C1QL3: variants seen among roughly 807,000 people sequenced by gnomAD.
The protein encoded by C1QL3 is complement C1q like 3, also known as complement C1q-like protein 3.
A neutral mutation model predicts 16.6 loss-of-function variants in C1QL3; 4 were observed. That is an observed-to-expected ratio of 0.24 (90% CI 0.12 to 0.55). The LOEUF (loss-of-function observed/expected upper bound fraction) is 0.55. Among genes scored for constraint, C1QL3 ranks in the 20% least tolerant of loss-of-function variants. The probability of loss-of-function intolerance (pLI) is 0.94; values close to 1 mark genes in which losing one functional copy is unlikely to be tolerated. For synonymous variants in C1QL3, 189 were observed against 160.2 expected, an observed-to-expected ratio of 1.18 and a Z score of -1.36; for missense variants, 269 against 365.6, an observed-to-expected ratio of 0.74 and a Z score of 2.16.
intron 1 of C1QL3, among the ~76,000 whole-genome samples, chr10:16,519,972 C>T (rs1837014269): frequency 2.0e-5 from 3 of 152,206 alleles, no homozygotes; most frequent in South Asian, 4.1e-4. Context: ...TCCGCTGTGG[C>T]TGAGCCCTGC....
chr10:16,519,140 C>A (rs1252787950), intron 1 of C1QL3, among the ~76,000 whole-genome samples: 1 of 39,460 alleles, frequency 2.5e-5, no homozygotes, highest in Non-Finnish European at 4.4e-5. Context: ...GCATTTAGGA[C>A]TTTTTTTTTT....
chr10:16,519,610 GC>G (rs1180619973), intron 1 of C1QL3, among the ~76,000 whole-genome samples: 2 of 152,108 alleles, frequency 1.3e-5, no homozygotes. Flanking sequence ...CCCATGCGTA[GC>G]CCTTGTAGCG....
chr10:16,519,793 C>A (rs1035940572), intron 1 of C1QL3, among the ~76,000 whole-genome samples: 1 of 152,192 alleles, frequency 6.6e-6, no homozygotes, highest in Non-Finnish European at 1.5e-5. Context: ...ACCGCATGAA[C>A]CCCCGAATCT....
chr10:16,520,380 C>T lies in C1QL3; in HGVS notation c.588+98G>A. 2 of 970,146 alleles carry T rather than the reference C, an allele frequency of 2.1e-6. No individual in the cohort carries two copies. The highest frequency in any genetic ancestry group is 3.0e-6 in the Non-Finnish European group (2 of 672,768). 60.1% of individuals were successfully genotyped at this position (970,146 alleles called of 1,614,324 possible). A position where few individuals can be genotyped will look rare whatever the true frequency, so the allele number is the denominator to read the frequency against. ...AGGGAGCCCGGCCGCCGCGCCCTTC[C>T]TCCGCGGGCTCCCACCCCCATTTCC... On this transcript the variant is annotated intron_variant, in intron 1 of 1. Coordinates refer to ENST00000298943, the MANE Select transcript of C1QL3 (RefSeq NM_001010908.2). This position sits in a 1 kb window ranked among gnomAD's most constrained non-coding sequence, Gnocchi z 8.3.
In C1QL3 at chr10:16,520,923, T is replaced by A; in HGVS notation, c.143A>T (p.Asp48Val). Residue 48 changes from aspartate (D) to valine (V), a missense_variant, in exon 1 of 2, where the codon GAC (aspartate) becomes GTC (valine). Physicochemically the swap from Asp to Val is radical, Grantham distance 152 (BLOSUM62 -3). Transcript: ENST00000298943. The surrounding 1 kb of genome is among the most constrained non-coding windows in gnomAD (Gnocchi z 8.3). ...GGGCAGGGACTGCATGAGGCCGCGG[T>A]CGGGCGTGGCAGCGGTGCTGGGCGC... ...TKAPSTAATP[D>V]RGLMQSLPTF... The A allele has an allele frequency of 6.4e-7, 1 of 1,563,518 alleles. No homozygotes were observed. Among genetic ancestry groups the A allele is most frequent in the East Asian group, 2.3e-5 (1 of 43,122 alleles).
At position 16,521,088 on chromosome 10, in the gene C1QL3, G is replaced by A; in HGVS notation, c.-23C>T. 1 of 1,574,230 alleles carries A rather than the reference G, an allele frequency of 6.4e-7. No homozygotes were observed. Among genetic ancestry groups the A allele is most frequent in the Non-Finnish European group, 8.6e-7 (1 of 1,164,836 alleles). On this transcript the variant is annotated 5_prime_UTR_variant, in exon 1 of 2. Coordinates refer to ENST00000298943, the MANE Select transcript of C1QL3 (RefSeq NM_001010908.2). ...CATCACCACCCCCAGCGCCCCGGCG[G>A]CGATCAGGCGCCTCCTGCTGCCCAC...
At chr10:16,519,550 A>G (rs963246153) in intron 1 of C1QL3, among the ~76,000 whole-genome samples, 1 of 152,118 alleles carries the variant, frequency 6.6e-6, no homozygotes. Flanking sequence ...CGGTTTTGCA[A>G]TGACCTCGAA....
rs1837025342 is a variant in C1QL3, at chr10:16,520,589, G to T, written c.477C>A (p.Thr159=). The T allele has an allele frequency of 2.5e-6, 4 of 1,613,688 alleles. No homozygotes were observed. Among genetic ancestry groups the T allele is most frequent in the African/African-American group, 2.7e-5 (2 of 74,866 alleles). The change falls in exon 1 of 2, where the codon ACC becomes ACA. Residue 159 remains threonine (T), a synonymous_variant. Coordinates refer to ENST00000298943, the MANE Select transcript of C1QL3 (RefSeq NM_001010908.2). This position sits in a 1 kb window ranked among gnomAD's most constrained non-coding sequence, Gnocchi z 8.3. ...GGATGGAGCAGGTGAACTTGCCGGT[G>T]GTGGGGTCGTAGTGGTTTCCGAGGT... ...VTNLGNHYDP[T]TGKFTCSIPG...
Position 16,514,371 on chromosome 10 carries a change from G to A in C1QL3, c.*157C>T. 1 of 618,526 alleles carries A rather than the reference G, an allele frequency of 1.6e-6. No homozygotes were observed. Among genetic ancestry groups the A allele is most frequent in the Non-Finnish European group, 2.9e-6 (1 of 350,258 alleles). The allele number at this position is 618,526 out of a possible 1,614,324, so 38.3% of individuals were successfully genotyped here. A position where few individuals can be genotyped will look rare whatever the true frequency, so the allele number is the denominator to read the frequency against. ...TTGATATTTTTTACATAATGTTTCTGAGTGATACAGATGTGAGTCAGGTAG... is the reference window on the plus strand; with the variant it reads ...TTGATATTTTTTACATAATGTTTCTAAGTGATACAGATGTGAGTCAGGTAG... On this transcript the variant is annotated 3_prime_UTR_variant, in exon 2 of 2. Transcript: ENST00000298943.
chr10:16,517,644 A>C (rs7914151), intron 1 of C1QL3, among the ~76,000 whole-genome samples: 36,420 of 152,050 alleles, frequency 0.24, 4,915 homozygotes, highest in African/African-American at 0.35. Context: ...GGTAGGATTA[A>C]ATTTAGGTTG....
Position 16,516,910 on chromosome 10 carries a change from G to T in C1QL3, c.589-2203C>A, listed in dbSNP as rs58315377. Among the ~76,000 whole-genome samples the T allele has an allele frequency of 6.7e-3, 1,017 of 152,238 alleles. 10 individuals carry two copies. The highest frequency in any genetic ancestry group is 0.022 in the African/African-American group (920 of 41,546). The stretch of plus-strand genomic sequence containing the variant: ...GTAAGATTTTAACCTATACTGTACC[G>T]TAAGACTGTCCCAATTAAATAATTG... On this transcript the variant is annotated intron_variant, in intron 1 of 1. Coordinates refer to ENST00000298943, the MANE Select transcript of C1QL3 (RefSeq NM_001010908.2).
At position 16,520,727 on chromosome 10, in the gene C1QL3, G is replaced by A. The variant is rs769013505; in HGVS notation, c.339C>T (p.Ala113=). The change falls in exon 1 of 2, where the codon GCC becomes GCT. Residue 113 remains alanine, a synonymous_variant. Transcript: ENST00000298943. The surrounding 1 kb of genome is among the most constrained non-coding windows in gnomAD (Gnocchi z 8.3). ...GPPGAPGLNA[A]GAISAATYST... is the part of the protein sequence containing the mutation. ...TGTAGGTGGCGGCGCTGATGGCCCC[G>A]GCCGCGTTCAGGCCGGGCGCCCCGG... 2 of 1,521,424 alleles carry A rather than the reference G, an allele frequency of 1.3e-6. No homozygotes were observed. The highest frequency in any genetic ancestry group is 1.4e-5 in the African/African-American group (1 of 69,888). The allele number at this position is 1,521,424 out of a possible 1,614,324, so 94.2% of individuals were successfully genotyped here.
Position 16,521,826 on chromosome 10 carries a change from A to T in C1QL3, c.-761T>A, listed in dbSNP as rs909507214. On this transcript the variant is annotated 5_prime_UTR_variant, in exon 1 of 2. Coordinates refer to ENST00000298943, the MANE Select transcript of C1QL3 (RefSeq NM_001010908.2). ...GCCTCACGGCCGGGAGCGGAGCGAG[A>T]GAGAGACTGAAGGCAGAATTCTGCC... The T allele has an allele frequency of 1.3e-5, 2 of 152,660 alleles. No homozygotes were observed. Among genetic ancestry groups the T allele is most frequent in the African/African-American group, 4.8e-5 (2 of 41,416 alleles). The allele number at this position is 152,660 out of a possible 1,614,324, so 9.5% of individuals were successfully genotyped here.
At position 16,520,447 on chromosome 10, in the gene C1QL3, C is replaced by T; in HGVS notation, c.588+31G>A. Reference sequence around the variant, plus strand: ...CGCCCGCACCTTCCCGCGCTCCCTCCCCGCCCTCCCCGCCGCCCGCCCGCG... The same window carrying T: ...CGCCCGCACCTTCCCGCGCTCCCTCTCCGCCCTCCCCGCCGCCCGCCCGCG... On this transcript the variant is annotated intron_variant, in intron 1 of 1. Coordinates refer to ENST00000298943, the MANE Select transcript of C1QL3 (RefSeq NM_001010908.2). This position sits in a 1 kb window ranked among gnomAD's most constrained non-coding sequence, Gnocchi z 8.3. 3.4e-6 allele frequency: 4 copies of T among 1,193,082 alleles called. No individual in the cohort carries two copies. The highest frequency in any genetic ancestry group is 4.8e-6 in the Non-Finnish European group (4 of 840,092). 73.9% of individuals were successfully genotyped at this position (1,193,082 alleles called of 1,614,324 possible).
rs774959199 is a variant in C1QL3, at chr10:16,514,558, C to T, written c.738G>A (p.Thr246=). The T allele has an allele frequency of 1.2e-6, 2 of 1,613,540 alleles. No individual in the cohort carries two copies. The highest frequency in any genetic ancestry group is 1.7e-6 in the Non-Finnish European group (2 of 1,179,684). The change falls in exon 2 of 2, where the codon ACG becomes ACA. Residue 246 remains threonine, a synonymous_variant. Transcript: ENST00000298943. ...CAGCATAAATAATAAATCCAGAAAA[C>T]GTGCTGTATTTGTTGTTGTTTCCTC... ...AHGGNNNKYS[T]FSGFIIYAD
chr10:16,517,014 A>G (rs922375229), intron 1 of C1QL3, among the ~76,000 whole-genome samples: 5 of 152,176 alleles, frequency 3.3e-5, no homozygotes, highest in Non-Finnish European at 7.4e-5. Flanking sequence ...AGGACTTGAA[A>G]TTTCAAGCTC....
intron 1 of C1QL3, among the ~76,000 whole-genome samples, chr10:16,519,139 A>ATTTTTTTTTTTTTTTT (rs1385047282): frequency 3.8e-5 from 1 of 26,136 alleles, no homozygotes; most frequent in Admixed American, 3.1e-4. Context: ...CGCATTTAGG[A>ATTTTTTTTTTTTTTTT]CTTTTTTTTT....
chr10:16,516,786 G>C (rs1488438762), intron 1 of C1QL3, among the ~76,000 whole-genome samples: 1 of 152,188 alleles, frequency 6.6e-6, no homozygotes, highest in Non-Finnish European at 1.5e-5. Flanking sequence ...TCCTGCGAAT[G>C]CATTAGAGTG....
chr10:16,517,490 G>A (rs895238221), intron 1 of C1QL3, among the ~76,000 whole-genome samples: 11 of 152,174 alleles, frequency 7.2e-5, no homozygotes, highest in African/African-American at 2.4e-4. Flanking sequence ...TGGCATTAGA[G>A]TGATTGTATT....
Sources: gnomAD v4.1 joint callset for allele counts (sites outside exome capture counted in the v4.1 genomes callset) on GRCh38, gnomAD v4.1.1 for gene constraint, Gnocchi (gnomAD v3.1) non-coding constraint, MANE v1.5 for transcripts, NCBI Gene and HGNC (gene_info 2026-07-23, HGNC 2026-07-21) for gene names.